The following MARCHF10 variants were observed in gnomAD, a reference collection of about 807,000 sequenced individuals.
MARCHF10 encodes the protein membrane associated ring-CH-type finger 10.
In MARCHF10, 64 loss-of-function variants were observed where a neutral mutation model predicts 76.2. The observed-to-expected ratio is 0.84, with a 90% confidence interval of 0.69 to 1.03. MARCHF10 has a LOEUF of 1.03. MARCHF10 is among the 50% of genes least tolerant of loss of function. The pLI is 0.00. For synonymous variants in MARCHF10, 340 were observed against 357.5 expected (o/e 0.95, Z 0.55); for missense variants, 875 against 958.0 (o/e 0.91, Z 1.14).
At chr17:62,802,509 C>T (rs1324526447) in intron 1 of MARCHF10, among the ~76,000 whole-genome samples, 2 of 152,112 alleles carry the variant, frequency 1.3e-5, no homozygotes, top group South Asian at 2.1e-4. Context: ...TGTGAGCCAC[C>T]GCACCTGGCC....
chr17:62,702,069 T>C (rs1467237145), intron 10 of MARCHF10, among the ~76,000 whole-genome samples: 11 of 152,134 alleles, frequency 7.2e-5, no homozygotes, highest in African/African-American at 2.7e-4. Context: ...GGCCATTGCT[T>C]CCTCTCAGGG....
At chr17:62,704,257 G>A (rs1315113777) in intron 10 of MARCHF10, among the ~76,000 whole-genome samples, 2 of 151,858 alleles carry the variant, frequency 1.3e-5, no homozygotes, top group Non-Finnish European at 2.9e-5. Context: ...CGGAGGTGCG[G>A]CGTGCGCCCG....
intron 6 of MARCHF10, among the ~76,000 whole-genome samples, chr17:62,732,197 A>T (rs1159252606): frequency 6.6e-6 from 1 of 152,352 alleles, no homozygotes; most frequent in East Asian, 1.9e-4. Context: ...TATCGCAAAT[A>T]TGTCAATTCT....
In MARCHF10 at chr17:62,738,921, G is replaced by A. The variant is rs2091398843; in HGVS notation, c.536-1589C>T. Among the ~76,000 whole-genome samples, 1 of 152,204 alleles carries A rather than the reference G, an allele frequency of 6.6e-6. No homozygotes were observed. Among genetic ancestry groups the A allele is most frequent in the Non-Finnish European group, 1.5e-5 (1 of 68,024 alleles). ...GAACTACAGCGCTGGAGCTGGTGGCGAGGCCACTCCAGACTGGGCCGACCC... is the reference window on the plus strand; with the variant it reads ...GAACTACAGCGCTGGAGCTGGTGGCAAGGCCACTCCAGACTGGGCCGACCC... On this transcript the variant is annotated intron_variant, in intron 5 of 10. Coordinates refer to ENST00000311269, the MANE Select transcript of MARCHF10 (RefSeq NM_152598.4). The surrounding 1 kb of genome is among the most constrained non-coding windows in gnomAD (Gnocchi z 4.0).
chr17:62,765,229 G>GT (rs796459286), intron 3 of MARCHF10, among the ~76,000 whole-genome samples: 7 of 152,038 alleles, frequency 4.6e-5, no homozygotes, highest in African/African-American at 1.7e-4. Flanking sequence ...GCATGCGCCT[G>GT]TAATTCCAGC....
chr17:62,714,791 G>C (rs1404489914), intron 8 of MARCHF10, among the ~76,000 whole-genome samples: 1 of 152,024 alleles, frequency 6.6e-6, no homozygotes, highest in Admixed American at 6.5e-5. Flanking sequence ...TGTTGCCCAG[G>C]CTGGAGTGCA....
At position 62,709,826 on chromosome 17, in the gene MARCHF10, C is replaced by T. The variant is rs149089941; in HGVS notation, c.2328+1405G>A. On this transcript the variant is annotated intron_variant, in intron 9 of 10. Transcript: ENST00000311269. ...GTGCGGTGGCACCAATCATGGCTCACTGCAGCGTCAGCCTCCCGGCAGCAT... is the reference window on the plus strand; with the variant it reads ...GTGCGGTGGCACCAATCATGGCTCATTGCAGCGTCAGCCTCCCGGCAGCAT... 9.0e-3 allele frequency among the ~76,000 whole-genome samples: 1,368 copies of T among 152,186 alleles called. 5 individuals carry two copies. Among genetic ancestry groups the T allele is most frequent in the Non-Finnish European group, 0.014 (946 of 67,994 alleles).
intron 3 of MARCHF10, among the ~76,000 whole-genome samples, chr17:62,786,550 G>A (rs1284538674): frequency 6.6e-6 from 1 of 152,098 alleles, no homozygotes; most frequent in Non-Finnish European, 1.5e-5. Flanking sequence ...ATGTTGTGTT[G>A]AGTGGGGTGA....
intron 4 of MARCHF10, among the ~76,000 whole-genome samples, chr17:62,758,498 C>T (rs568058779): frequency 1.3e-5 from 2 of 152,282 alleles, no homozygotes; most frequent in South Asian, 4.1e-4. Context: ...CTATTTCAAC[C>T]TTAAACAGCT....
At chr17:62,801,478 C>A (rs550904218) in intron 2 of MARCHF10, among the ~76,000 whole-genome samples, 168 bp downstream of exon 2, 1 of 141,312 alleles carries the variant, frequency 7.1e-6, no homozygotes, top group Admixed American at 7.1e-5. Context: ...TTTTTTTTTA[C>A]AGACGAGGAT....
At chr17:62,752,539 C>T (rs1255387315) in intron 4 of MARCHF10, among the ~76,000 whole-genome samples, 1 of 152,174 alleles carries the variant, frequency 6.6e-6, no homozygotes, top group East Asian at 1.9e-4. Context: ...CTCTTTGATT[C>T]CTCTTTCTTC....
intron 5 of MARCHF10, among the ~76,000 whole-genome samples, chr17:62,739,307 A>G (rs2091414753): frequency 6.6e-6 from 1 of 152,200 alleles, no homozygotes; most frequent in Non-Finnish European, 1.5e-5. Flanking sequence ...TTAAAAATAA[A>G]TAAATACATA....
chr17:62,800,587 T>C (rs543660185), intron 2 of MARCHF10, among the ~76,000 whole-genome samples: 1 of 152,250 alleles, frequency 6.6e-6, no homozygotes, highest in South Asian at 2.1e-4. Context: ...CTGGGAGCTT[T>C]AGTTATATTT....
At position 62,712,249 on chromosome 17, in the gene MARCHF10, A is replaced by G. The variant is rs1389972088; in HGVS notation, c.2215-905T>C. ...CACAAAGCCACCCAGCCCCCGGGGA[A>G]TAGAGTCCCCAGCAGAGGGCATGGC... is the stretch of plus-strand genomic sequence containing the variant. On this transcript the variant is annotated intron_variant, in intron 8 of 10. Transcript: ENST00000311269. The surrounding 1 kb of genome is among the most constrained non-coding windows in gnomAD (Gnocchi z 4.2). 6.6e-6 allele frequency among the ~76,000 whole-genome samples: 1 copy of G among 152,208 alleles called. No individual in the cohort carries two copies.
chr17:62,704,429 T>C (rs1161159717), intron 10 of MARCHF10, among the ~76,000 whole-genome samples: 1 of 152,098 alleles, frequency 6.6e-6, no homozygotes, highest in South Asian at 2.1e-4. Flanking sequence ...GCTCCTTTTG[T>C]GGAAAAGAGC....
rs145137206 is a variant in MARCHF10, at chr17:62,762,923, T to C, written c.211-2917A>G. The stretch of plus-strand genomic sequence containing the variant: ...TGGGAGAAGTTGTAGTAAATCATCC[T>C]GGCACTAAAGTGTGGTACTTAAGGC... On this transcript the variant is annotated intron_variant, in intron 3 of 10. Coordinates refer to ENST00000311269, the MANE Select transcript of MARCHF10 (RefSeq NM_152598.4). 4.6e-5 allele frequency among the ~76,000 whole-genome samples: 7 copies of C among 152,326 alleles called. No individual in the cohort carries two copies. In the East Asian group the frequency reaches 1.4e-3, roughly 29 times the overall value.
At position 62,805,456 on chromosome 17, in the gene MARCHF10, A is replaced by C. The variant is rs779902770; in HGVS notation, c.-18+2621T>G. ...GAGCATCCCAGAGTCCACTTGGATGATACATTTTGGTTGCCAAAGTTAATA... is the reference window on the plus strand; with the variant it reads ...GAGCATCCCAGAGTCCACTTGGATGCTACATTTTGGTTGCCAAAGTTAATA... On this transcript the variant is annotated intron_variant, in intron 1 of 10. Transcript: ENST00000311269. Among the ~76,000 whole-genome samples the C allele has an allele frequency of 7.2e-5, 11 of 152,326 alleles. 1 individual carries two copies. The South Asian group carries it at 2.3e-3, about 32-fold the overall frequency.
Position 62,759,988 on chromosome 17 carries a change from C to T in MARCHF10, c.229G>A (p.Ala77Thr). ...ATAGATGACCTTGGTTCAGTTAGAGCATCCTCCTCACTAGAACTCTACCAA... is the reference window on the plus strand; with the variant it reads ...ATAGATGACCTTGGTTCAGTTAGAGTATCCTCCTCACTAGAACTCTACCAA... ...SSKQSSSEED[A>T]LTEPRSSIKI... is the part of the protein sequence containing the mutation. Residue 77 changes from alanine (A) to threonine (T), a missense_variant, in exon 4 of 11, where the codon GCT becomes ACT. By Grantham distance (58) the Ala-to-Thr change is moderately conservative. Transcript: ENST00000311269. 1 of 1,613,926 alleles carries T rather than the reference C, an allele frequency of 6.2e-7. No individual in the cohort carries two copies. Among genetic ancestry groups the T allele is most frequent in the Non-Finnish European group, 8.5e-7 (1 of 1,179,910 alleles).
At chr17:62,788,671 A>C (rs181554479) in intron 2 of MARCHF10, 72 bp from the exon 3 acceptor site, 2 of 1,590,548 alleles carry the variant, frequency 1.3e-6, no homozygotes, top group East Asian at 2.2e-5. Context: ...GCTTAACTCC[A>C]ATGGTGAGGA....
Sources: allele counts gnomAD v4.1 joint callset (sites outside exome capture counted in the v4.1 genomes callset), GRCh38; gene constraint gnomAD v4.1.1; non-coding constraint Gnocchi (gnomAD v3.1); transcripts MANE v1.5; gene names NCBI Gene and HGNC (gene_info 2026-07-23, HGNC 2026-07-21).